C19orf38: variants seen among roughly 807,000 people sequenced by gnomAD.
C19orf38 encodes protein HIDE1.
C19orf38 carries 14 observed loss-of-function variants against 26.6 expected under a neutral mutation model. That is an observed-to-expected ratio of 0.53 (90% CI 0.35 to 0.82). C19orf38 has a LOEUF of 0.82. C19orf38 is among the 40% of genes least tolerant of loss of function. The pLI, the probability that C19orf38 is intolerant of heterozygous loss-of-function variation, is 0.01. For synonymous variants in C19orf38, 132 were observed against 128.5 expected, an observed-to-expected ratio of 1.03 and a Z score of -0.18; for missense variants, 261 against 299.5, an observed-to-expected ratio of 0.87 and a Z score of 0.95.
At chr19:10,839,490 A>G (rs2073463650) in intron 1 of C19orf38, among the ~76,000 whole-genome samples, 1 of 152,084 alleles carries the variant, frequency 6.6e-6, no homozygotes, top group Non-Finnish European at 1.5e-5. Flanking sequence ...TATCTCCTGT[A>G]TCAACTCCTC....
upstream of C19orf38, among the ~76,000 whole-genome samples, chr19:10,844,852 A>G (rs1478104673): frequency 6.8e-6 from 1 of 147,924 alleles, no homozygotes; most frequent in Admixed American, 6.8e-5. Flanking sequence ...CATCTCAAAA[A>G]AAAAAAAAAA....
At chr19:10,845,530 C>T (rs568847864), upstream of C19orf38, among the ~76,000 whole-genome samples, 12 of 152,216 alleles carry the variant, frequency 7.9e-5, no homozygotes, top group African/African-American at 2.2e-4. Context: ...AAATGTGTGG[C>T]ATGCAGTTAA....
At chr19:10,855,652 CTGAG>C (rs1237690375) in intron 2 of C19orf38, among the ~76,000 whole-genome samples, 1 of 152,194 alleles carries the variant, frequency 6.6e-6, no homozygotes, top group Non-Finnish European at 1.5e-5. Context: ...CCTCAGCCTC[CTGAG>C]TAAGTGGGAC....
In C19orf38 at chr19:10,867,641, C is replaced by CTT. The variant is rs953156656; in HGVS notation, c.544-1549_544-1548dup. Among the ~76,000 whole-genome samples, 392 of 58,832 alleles carry CTT rather than the reference C, an allele frequency of 6.7e-3. 45 individuals are homozygous for CTT. The highest frequency in any genetic ancestry group is 0.01 in the Non-Finnish European group (318 of 31,484). 38.6% of individuals were successfully genotyped at this position (58,832 alleles called of 152,430 possible). A position where few individuals can be genotyped will look rare whatever the true frequency, so the allele number is the denominator to read the frequency against. ...TCAGAAAAAAAAAAGGAAGAACATT[C>CTT]TTTTTTTTTTTTTTTTTTTTTTTTT... On this transcript the variant is annotated intron_variant, in intron 6 of 6. Coordinates refer to ENST00000397820, the MANE Select transcript of C19orf38 (RefSeq NM_001136482.3).
chr19:10,843,273 T>C (rs1000066619), intron 1 of C19orf38, among the ~76,000 whole-genome samples: 1 of 152,240 alleles, frequency 6.6e-6, no homozygotes, highest in Admixed American at 6.5e-5. Flanking sequence ...ACAGATTCTC[T>C]GTCCAGTCCC....
chr19:10,862,048 G>C (rs1373271017), intron 5 of C19orf38, among the ~76,000 whole-genome samples: 1 of 146,562 alleles, frequency 6.8e-6, no homozygotes, highest in Non-Finnish European at 1.5e-5. Context: ...ACAGGCGCCC[G>C]CCACCACACC....
intron 1 of C19orf38, 27 bp downstream of exon 1, chr19:10,848,566 C>T (rs1237345643): frequency 3.2e-6 from 4 of 1,258,408 alleles, no homozygotes; most frequent in Non-Finnish European, 3.2e-6. Context: ...CCTCTCAGAT[C>T]CCCCACGCCT....
upstream of C19orf38, among the ~76,000 whole-genome samples, chr19:10,845,608 GGTGGCTCACGCCTGTAATCCCAGCACT>G (rs1273000800): frequency 6.6e-6 from 1 of 152,108 alleles, no homozygotes; most frequent in African/African-American, 2.4e-5. Context: ...GGCCGGGTGC[GGTGGCTCACGCCTGTAATCCCAGCACT>G]TTGGGAGGCC....
chr19:10,844,740 C>T (rs1259023540), upstream of C19orf38, among the ~76,000 whole-genome samples: 20 of 150,146 alleles, frequency 1.3e-4, no homozygotes, highest in African/African-American at 4.2e-4. Flanking sequence ...CCCAGCTACT[C>T]GGGAGACTGA....
At chr19:10,841,188 C>T (rs1240430924) in intron 1 of C19orf38, among the ~76,000 whole-genome samples, 1 of 152,102 alleles carries the variant, frequency 6.6e-6, no homozygotes, top group African/African-American at 2.4e-5. Flanking sequence ...AAAAAAACTT[C>T]TCTAGCTGGA....
chr19:10,863,483 A>T (rs549182839), intron 6 of C19orf38, among the ~76,000 whole-genome samples: 3 of 152,140 alleles, frequency 2.0e-5, no homozygotes, highest in Non-Finnish European at 4.4e-5. Context: ...TGGCCTGGTC[A>T]GTGCTGCCTT....
At chr19:10,859,485 C>T (rs1200986840) in intron 4 of C19orf38, among the ~76,000 whole-genome samples, 3 of 148,850 alleles carry the variant, frequency 2.0e-5, no homozygotes, top group Non-Finnish European at 3.0e-5. Context: ...TGGGTTCAAG[C>T]GATTCTCCTG....
At position 10,848,547 on chromosome 19, in the gene C19orf38, T is replaced by C. The variant is rs367793277; in HGVS notation, c.31+8T>C. On this transcript the variant is annotated splice_region_variant and intron_variant, in intron 1 of 6. Transcript: ENST00000397820. Reference sequence around the variant, plus strand: ...TCTTGCTCTTTGCAGCTGGTGAGTCTGAAGCCCCCCTCTCAGATCCCCCAC... The same window carrying C: ...TCTTGCTCTTTGCAGCTGGTGAGTCCGAAGCCCCCCTCTCAGATCCCCCAC... 1.5e-3 allele frequency: 2,317 copies of C among 1,551,312 alleles called. 8 individuals carry two copies. Among genetic ancestry groups the C allele is most frequent in the Non-Finnish European group, 1.1e-3 (1,284 of 1,146,708 alleles).
chr19:10,841,784 G>A, intron 1 of C19orf38: 1 of 940,228 alleles, frequency 1.1e-6, no homozygotes, highest in South Asian at 1.3e-5. Flanking sequence ...ACTAGCCTGG[G>A]CAGCATAGTG....
At chr19:10,853,273 G>T (rs1428560602) in intron 2 of C19orf38, among the ~76,000 whole-genome samples, 1 of 151,894 alleles carries the variant, frequency 6.6e-6, no homozygotes, top group East Asian at 1.9e-4. Context: ...CTGTCGCCCA[G>T]GCTGGAGTGC....
chr19:10,847,026 C>G (rs1409216589), upstream of C19orf38, among the ~76,000 whole-genome samples: 1 of 152,174 alleles, frequency 6.6e-6, no homozygotes, highest in Admixed American at 6.6e-5. Flanking sequence ...AAAGTTTACT[C>G]TAATGACGCA....
At position 10,850,584 on chromosome 19, in the gene C19orf38, G is replaced by T; in HGVS notation, c.340+17G>T. 3 of 1,550,658 alleles carry T rather than the reference G, an allele frequency of 1.9e-6. No individual in the cohort carries two copies. Among genetic ancestry groups the T allele is most frequent in the Non-Finnish European group, 8.7e-7 (1 of 1,146,740 alleles). ...CCTTCCCAGGTAAGGCCCTTCTATG[G>T]GATCTCACTGCCGGGGGCTTAATTT... On this transcript the variant is annotated intron_variant, in intron 2 of 6. Coordinates refer to ENST00000397820, the MANE Select transcript of C19orf38 (RefSeq NM_001136482.3).
intron 4 of C19orf38, among the ~76,000 whole-genome samples, chr19:10,859,227 G>A (rs1379015229): frequency 7.5e-5 from 11 of 147,446 alleles, no homozygotes; most frequent in South Asian, 2.2e-4. Flanking sequence ...ATCAGCCACC[G>A]TGCCTGGCTT....
rs552217911 is a variant in C19orf38 at position 10,850,361 on chromosome 19, C to T, written c.134C>T (p.Pro45Leu). ...GCATGCATGGCCCCTGGGAACTTCCCGGGGGCGAATTTCACACTGTATCGA... is the reference window on the plus strand; with the variant it reads ...GCATGCATGGCCCCTGGGAACTTCCTGGGGGCGAATTTCACACTGTATCGA... ...HIACMAPGNF[P>L]GANFTLYRGG... Residue 45 changes from proline to leucine, a missense_variant, in exon 2 of 7, where the codon CCG becomes CTG. Coordinates refer to ENST00000397820, the MANE Select transcript of C19orf38 (RefSeq NM_001136482.3). The T allele has an allele frequency of 3.3e-5, 51 of 1,551,072 alleles. No individual in the cohort carries two copies. The Middle Eastern group carries it at 2.5e-3, about 77-fold the overall frequency.
Sources: allele counts gnomAD v4.1 joint callset (sites outside exome capture counted in the v4.1 genomes callset), GRCh38; gene constraint gnomAD v4.1.1; transcripts MANE v1.5; gene names NCBI Gene and HGNC (gene_info 2026-07-23, HGNC 2026-07-21).